The following ARFGEF2 variants were observed in gnomAD, a reference collection of about 807,000 sequenced individuals.
ARFGEF2 encodes brefeldin A-inhibited guanine nucleotide-exchange protein 2.
ARFGEF2 carries 74 observed loss-of-function variants against 219.9 expected under a neutral mutation model. That is an observed-to-expected ratio of 0.34 (90% CI 0.28 to 0.41). The LOEUF is 0.41. Ranked by LOEUF, ARFGEF2 falls within the 10% of genes least tolerant of loss-of-function variation. ARFGEF2 has a pLI of 1.00. For missense variants in ARFGEF2, 1,743 were observed against 2,218.3 expected (o/e 0.79, Z 4.30); for synonymous variants, 733 against 799.2 (o/e 0.92, Z 1.40).
At chr20:48,962,616 G>A (rs2123390676) in intron 6 of ARFGEF2, among the ~76,000 whole-genome samples, 1 of 152,298 alleles carries the variant, frequency 6.6e-6, no homozygotes, top group Non-Finnish European at 1.5e-5. Context: ...AGTGAGTTTA[G>A]CAATTGTGAC....
intron 23 of ARFGEF2, among the ~76,000 whole-genome samples, chr20:48,996,275 G>T (rs770377314): frequency 4.0e-5 from 6 of 150,936 alleles, no homozygotes; most frequent in Non-Finnish European, 7.4e-5. Flanking sequence ...CTAACACAGT[G>T]AAACCCCGTT....
intron 6 of ARFGEF2, among the ~76,000 whole-genome samples, chr20:48,961,539 T>A (rs1289083652): frequency 6.6e-6 from 1 of 152,188 alleles, no homozygotes; most frequent in Non-Finnish European, 1.5e-5. Context: ...ACTTTTTCTT[T>A]TTTAAATAAG....
In ARFGEF2 at chr20:49,021,705, C is replaced by T. The variant is rs190329034; in HGVS notation, c.4625-1346C>T. ...TATTAAAACTACAAAAAAAATTAGC[C>T]GGGCATGGTGCCGGGTGCCTGTAGT... On this transcript the variant is annotated intron_variant, in intron 34 of 38. Transcript: ENST00000371917. 1.9e-3 allele frequency among the ~76,000 whole-genome samples: 286 copies of T among 150,296 alleles called. 1 individual carries two copies. The highest frequency in any genetic ancestry group is 6.7e-3 in the African/African-American group (273 of 40,842).
intron 21 of ARFGEF2, 53 bp from the exon 22 acceptor site, chr20:48,994,398 C>T: frequency 6.2e-7 from 1 of 1,610,256 alleles, no homozygotes. Context: ...TTACAGTGCC[C>T]TTTTTCTAGC....
chr20:48,942,651 A>AT (rs2091001033), intron 3 of ARFGEF2, among the ~76,000 whole-genome samples: 1 of 151,694 alleles, frequency 6.6e-6, no homozygotes, highest in Non-Finnish European at 1.5e-5. Context: ...AGCCCGGCTA[A>AT]TTTTTTGTAT....
rs754607709 is a variant in ARFGEF2 at position 48,952,733 on chromosome 20, A to G, written c.452A>G (p.His151Arg). Residue 151 changes from histidine (H) to arginine (R), a missense_variant, in exon 5 of 39, where the codon CAC becomes CGC. This residue lies in a region of ARFGEF2 where 394 missense variants were observed against 426.6 expected (regional missense o/e 0.92). Coordinates refer to ENST00000371917, the MANE Select transcript of ARFGEF2 (RefSeq NM_006420.3). ...KALLTAVTSP[H>R]IEIHEGTILQ... ...CTTCTGACTGCAGTGACTTCCCCACACATTGAAATTCATGAGGGTACTATC... is the reference window on the plus strand; with the variant it reads ...CTTCTGACTGCAGTGACTTCCCCACGCATTGAAATTCATGAGGGTACTATC... The G allele has an allele frequency of 6.2e-7, 1 of 1,614,238 alleles. No homozygotes were observed. The highest frequency in any genetic ancestry group is 8.5e-7 in the Non-Finnish European group (1 of 1,180,042).
Position 49,033,241 on chromosome 20 carries a change from C to A in ARFGEF2, c.*42C>A. 1.2e-6 allele frequency: 2 copies of A among 1,608,826 alleles called. No homozygotes were observed. Among genetic ancestry groups the A allele is most frequent in the South Asian group, 1.1e-5 (1 of 90,902 alleles). On this transcript the variant is annotated 3_prime_UTR_variant, in exon 39 of 39. Coordinates refer to ENST00000371917, the MANE Select transcript of ARFGEF2 (RefSeq NM_006420.3). ...CAGTGCTGCAGCTCTGCAGAATGTT[C>A]AGCATGCCATTTCTGACTGGCACAT...
At chr20:49,017,991 T>C (rs138216092) in intron 33 of ARFGEF2, among the ~76,000 whole-genome samples, 1 of 152,372 alleles carries the variant, frequency 6.6e-6, no homozygotes, top group East Asian at 1.9e-4. Flanking sequence ...TTGGCGTAAC[T>C]GTGCTTGTTT....
chr20:48,960,245 C>T (rs898866660), intron 6 of ARFGEF2, among the ~76,000 whole-genome samples: 5 of 152,118 alleles, frequency 3.3e-5, no homozygotes, highest in Non-Finnish European at 7.4e-5. Context: ...GAATACTGTA[C>T]GCTTTGGTAA....
Position 49,023,133 on chromosome 20 carries a change from C to T in ARFGEF2, c.4707C>T (p.Tyr1569=). 1 of 1,614,142 alleles carries T rather than the reference C, an allele frequency of 6.2e-7. No homozygotes were observed. Reference sequence around the variant, plus strand: ...AGACCATTGACAACATTGTGTTCTACCCTGCGACGAGCAAAAAGGAGGATG... The same window carrying T: ...AGACCATTGACAACATTGTGTTCTATCCTGCGACGAGCAAAAAGGAGGATG... ...LIQTIDNIVF[Y]PATSKKEDAE... is the part of the protein sequence containing the mutation. The change falls in exon 35 of 39, where the codon TAC becomes TAT. Residue 1569 remains tyrosine, a synonymous_variant. Coordinates refer to ENST00000371917, the MANE Select transcript of ARFGEF2 (RefSeq NM_006420.3).
rs974312872 is a variant in ARFGEF2, at chr20:49,036,536, T to C, written c.*3337T>C. ...AATATTGGTAATTTAATGAAAACCA[T>C]TCCTTGCCCAATGGATGTATAAATT... On this transcript the variant is annotated 3_prime_UTR_variant, in exon 39 of 39. Transcript: ENST00000371917. 3.5e-6 allele frequency: 1 copy of C among 287,416 alleles called. No homozygotes were observed. The highest frequency in any genetic ancestry group is 6.4e-6 in the Non-Finnish European group (1 of 157,388). 17.8% of individuals were successfully genotyped at this position (287,416 alleles called of 1,614,324 possible). A position where few individuals can be genotyped will look rare whatever the true frequency, so the allele number is the denominator to read the frequency against.
chr20:48,979,849 G>A lies in ARFGEF2; in HGVS notation c.1958+3650G>A, dbSNP rs1187521889. On this transcript the variant is annotated intron_variant, in intron 14 of 38. Transcript: ENST00000371917. ...CCCTTTATCATTTTTTATTGTGTCT[G>A]TTTGATTCTTCTCTTTATTTTCTTC... is the stretch of plus-strand genomic sequence containing the variant. Among the ~76,000 whole-genome samples, 28 of 151,748 alleles carry A rather than the reference G, an allele frequency of 1.8e-4. 1 individual carries two copies. The highest frequency in any genetic ancestry group is 6.8e-4 in the African/African-American group (28 of 41,316).
Position 49,025,390 on chromosome 20 carries a change from C to T in ARFGEF2, c.4833C>T (p.Leu1611=). Residue 1611 remains leucine, a synonymous_variant, in exon 36 of 39, where the codon CTC becomes CTT. Coordinates refer to ENST00000371917, the MANE Select transcript of ARFGEF2 (RefSeq NM_006420.3). ...ATAAGTACATGTCTTCCCAGCACCT[C>T]TTCAAGCTGTTGGACTGTTTGCAGG... The part of the protein sequence containing the change: ...GMYKYMSSQH[L]FKLLDCLQES... The T allele has an allele frequency of 6.2e-7, 1 of 1,614,164 alleles. No individual in the cohort carries two copies. Among genetic ancestry groups the T allele is most frequent in the Non-Finnish European group, 8.5e-7 (1 of 1,179,986 alleles).
intron 21 of ARFGEF2, among the ~76,000 whole-genome samples, chr20:48,991,792 C>T (rs1010276173): frequency 6.6e-6 from 1 of 152,006 alleles, no homozygotes. Context: ...AAGTATGGTA[C>T]AGCATTTTTT....
chr20:48,956,022 AG>A (rs1233291313), intron 6 of ARFGEF2, among the ~76,000 whole-genome samples: 9 of 152,220 alleles, frequency 5.9e-5, no homozygotes, highest in African/African-American at 2.2e-4. Flanking sequence ...TAGGCTCTAA[AG>A]AAAGAACAGG....
Position 49,034,735 on chromosome 20 carries a change from T to C in ARFGEF2, c.*1536T>C, listed in dbSNP as rs1173250038. 2 of 152,226 alleles carry C rather than the reference T, an allele frequency of 1.3e-5. No individual in the cohort carries two copies. The highest frequency in any genetic ancestry group is 6.5e-5 in the Admixed American group (1 of 15,290). The allele number at this position is 152,226 out of a possible 1,614,324, so 9.4% of individuals were successfully genotyped here. On this transcript the variant is annotated 3_prime_UTR_variant, in exon 39 of 39. Coordinates refer to ENST00000371917, the MANE Select transcript of ARFGEF2 (RefSeq NM_006420.3). ...ATGTTTTTTCTTTGTAGAGAAGGAT[T>C]TCTGGTGCTTTTGCTTACTAAGAGA...
At chr20:48,956,832 G>A (rs1438467424) in intron 6 of ARFGEF2, among the ~76,000 whole-genome samples, 2 of 152,074 alleles carry the variant, frequency 1.3e-5, no homozygotes, top group Non-Finnish European at 2.9e-5. Context: ...CACCCGTCTC[G>A]GCCTCCCAAA....
chr20:49,017,116 G>A, intron 31 of ARFGEF2, 133 bp from the exon 32 acceptor site: 2 of 863,540 alleles, frequency 2.3e-6, no homozygotes, highest in South Asian at 3.0e-5. Flanking sequence ...ACTGTCTGTA[G>A]CATGGCTTCA....
intron 7 of ARFGEF2, 133 bp downstream of exon 7, chr20:48,964,031 C>T: frequency 1.3e-6 from 1 of 781,228 alleles, no homozygotes; most frequent in Non-Finnish European, 2.2e-6. Context: ...CTGAATCTTC[C>T]CACGTCTGCC....
Sources: allele counts gnomAD v4.1 joint callset (sites outside exome capture counted in the v4.1 genomes callset), GRCh38; gene constraint gnomAD v4.1.1; regional missense constraint gnomAD v4.1.1; transcripts MANE v1.5; gene names NCBI Gene and HGNC (gene_info 2026-07-23, HGNC 2026-07-21).